Variants in RESF1 observed in about 807,000 individuals in gnomAD.
RESF1 encodes retroelement silencing factor 1.
Under a neutral mutation model 134.7 loss-of-function variants are expected in RESF1, and 65 were observed. The observed-to-expected ratio is 0.48, with a 90% CI of 0.40 to 0.59. RESF1 has a LOEUF of 0.59. Among genes scored for constraint, RESF1 ranks in the 20% least tolerant of loss-of-function variants. The pLI is 0.00. For synonymous variants in RESF1, 762 were observed against 702.2 expected (o/e 1.09, Z -1.35); for missense variants, 2,274 against 2,002.7 (o/e 1.14, Z -2.59).
chr12:31,962,064 A>G (rs1255949536), intron 2 of RESF1, among the ~76,000 whole-genome samples: 2 of 152,098 alleles, frequency 1.3e-5, no homozygotes, highest in East Asian at 3.9e-4. Flanking sequence ...GCAAAACCCC[A>G]TCTTTACTAA....
Position 31,981,289 on chromosome 12 carries a change from T to C in RESF1, c.334T>C (p.Ser112Pro), listed in dbSNP as rs972296046. Residue 112 changes from serine to proline, a missense_variant, in exon 4 of 6, where the codon TCA becomes CCA. Coordinates refer to ENST00000312561, the MANE Select transcript of RESF1 (RefSeq NM_018169.4). Reference protein sequence around the residue: ...KQLTHNLQMSSGVTQNVWLNS... With the variant: ...KQLTHNLQMSPGVTQNVWLNS... ...ACTAACTCACAATTTGCAGATGTCT[T>C]CAGGAGTTACCCAAAACGTATGGTT... 5 of 1,614,138 alleles carry C rather than the reference T, an allele frequency of 3.1e-6. No homozygotes were observed. The highest frequency in any genetic ancestry group is 3.4e-6 in the Non-Finnish European group (4 of 1,180,000).
chr12:31,978,306 A>C (rs1224210908), intron 3 of RESF1, among the ~76,000 whole-genome samples: 3 of 152,108 alleles, frequency 2.0e-5, no homozygotes, highest in Non-Finnish European at 4.4e-5. Context: ...GTAAAACAAA[A>C]AGATCTCTAC....
At chr12:31,965,417 A>C (rs1939377675) in intron 2 of RESF1, among the ~76,000 whole-genome samples, 1 of 152,172 alleles carries the variant, frequency 6.6e-6, no homozygotes, top group East Asian at 1.9e-4. Context: ...ACCTCTAGAG[A>C]GTATTTAAAC....
chr12:31,988,291 G>C (rs1940018412), intron 5 of RESF1, among the ~76,000 whole-genome samples: 1 of 152,116 alleles, frequency 6.6e-6, no homozygotes, highest in Non-Finnish European at 1.5e-5. Flanking sequence ...GTATCTGCGT[G>C]TTCCGTATCT....
intron 3 of RESF1, among the ~76,000 whole-genome samples, chr12:31,977,972 T>G (rs1939676459): frequency 6.6e-6 from 1 of 151,728 alleles, no homozygotes; most frequent in Non-Finnish European, 1.5e-5. Flanking sequence ...GCTAATTTTT[T>G]TTTTGTATTT....
chr12:31,974,812 A>G (rs1015895523), intron 3 of RESF1, among the ~76,000 whole-genome samples: 25 of 152,124 alleles, frequency 1.6e-4, no homozygotes, highest in African/African-American at 5.6e-4. Flanking sequence ...TTCTTCTGTC[A>G]GTGAACACTG....
chr12:31,968,523 A>G (rs1338451991), intron 2 of RESF1, among the ~76,000 whole-genome samples: 1 of 148,610 alleles, frequency 6.7e-6, no homozygotes, highest in African/African-American at 2.5e-5. Flanking sequence ...ATCCCGGCTC[A>G]CTGCAAGCTC....
rs3759296 is a variant in RESF1, at chr12:31,984,967, A to G, written c.4012A>G (p.Thr1338Ala). ...GAACTCACGTCCACTAAAAACAAAA[A>G]CAGCTTTTTTGCCAAATAAAGATGT... ...TQNSRPLKTKTAFLPNKDVYK... is the reference protein window; with the variant it reads ...TQNSRPLKTKAAFLPNKDVYK... The change falls in exon 4 of 6, where the codon ACA becomes GCA. Residue 1338 changes from threonine (T) to alanine (A), a missense_variant. By Grantham distance (58) the Thr-to-Ala change is moderately conservative. Coordinates refer to ENST00000312561, the MANE Select transcript of RESF1 (RefSeq NM_018169.4). The G allele has an allele frequency of 4.6e-3, 7,360 of 1,613,194 alleles. 260 individuals carry two copies. In the East Asian group the frequency reaches 0.091, roughly 20 times the overall value.
chr12:31,963,699 A>G (rs1032502048), intron 2 of RESF1, among the ~76,000 whole-genome samples: 1 of 152,208 alleles, frequency 6.6e-6, no homozygotes, highest in African/African-American at 2.4e-5. Context: ...AAATATCTCC[A>G]TACTCAATAG....
intron 3 of RESF1, among the ~76,000 whole-genome samples, chr12:31,980,631 T>C (rs577412485): frequency 1.3e-5 from 2 of 152,310 alleles, no homozygotes; most frequent in East Asian, 3.9e-4. Flanking sequence ...CAGAAGGTGA[T>C]TGGCATTTAA....
rs1332330973 is a variant in RESF1 at position 31,982,648 on chromosome 12, C to G, written c.1693C>G (p.Pro565Ala). 5.6e-6 allele frequency: 9 copies of G among 1,613,988 alleles called. No individual in the cohort carries two copies. The highest frequency in any genetic ancestry group is 7.6e-6 in the Non-Finnish European group (9 of 1,179,998). The change falls in exon 4 of 6, where the codon CCC becomes GCC. Residue 565 changes from proline (P) to alanine (A), a missense_variant. Physicochemically the swap from Pro to Ala is conservative, Grantham distance 27. Coordinates refer to ENST00000312561, the MANE Select transcript of RESF1 (RefSeq NM_018169.4). ...SPAVCETISV[P>A]KSMSTEEYKS... ...AGCAGTTTGTGAAACAATTTCTGTTCCCAAGTCCATGTCCACTGAGGAATA... is the reference window on the plus strand; with the variant it reads ...AGCAGTTTGTGAAACAATTTCTGTTGCCAAGTCCATGTCCACTGAGGAATA...
At chr12:31,979,856 C>T (rs1475485634) in intron 3 of RESF1, among the ~76,000 whole-genome samples, 2 of 149,952 alleles carry the variant, frequency 1.3e-5, no homozygotes, top group African/African-American at 4.9e-5. Context: ...CACACCCAGC[C>T]AAGACTTTTT....
rs542150440 is a variant in RESF1, at chr12:31,960,150, C to G, written c.-341-627C>G. The stretch of plus-strand genomic sequence containing the variant: ...GCATTTTTAAATGCACAAACGCATA[C>G]CCATCTTAGGTGTTCTCGAGGGACA... On this transcript the variant is annotated intron_variant, in intron 1 of 5. Transcript: ENST00000312561. Among the ~76,000 whole-genome samples, 6 of 152,196 alleles carry G rather than the reference C, an allele frequency of 3.9e-5. No individual in the cohort carries two copies. The South Asian group carries it at 1.2e-3, about 32-fold the overall frequency.
In RESF1 at chr12:31,982,658, T is replaced by C. The variant is rs776661647; in HGVS notation, c.1703T>C (p.Met568Thr). 4.3e-6 allele frequency: 7 copies of C among 1,613,998 alleles called. No individual in the cohort carries two copies. Among genetic ancestry groups the C allele is most frequent in the Admixed American group, 3.3e-5 (2 of 60,012 alleles). ...VCETISVPKSMSTEEYKSKIQ... is the reference protein window; with the variant it reads ...VCETISVPKSTSTEEYKSKIQ... ...GAAACAATTTCTGTTCCCAAGTCCA[T>C]GTCCACTGAGGAATATAAATCAAAA... The change falls in exon 4 of 6, where the codon ATG (methionine) becomes ACG (threonine). Residue 568 changes from methionine to threonine, a missense_variant. Coordinates refer to ENST00000312561, the MANE Select transcript of RESF1 (RefSeq NM_018169.4).
intron 3 of RESF1, among the ~76,000 whole-genome samples, chr12:31,970,881 T>G (rs751507228): frequency 1.3e-5 from 2 of 150,334 alleles, no homozygotes; most frequent in South Asian, 4.2e-4. Flanking sequence ...TCCTATAATT[T>G]CATATAAAAG....
At position 31,992,659 on chromosome 12, in the gene RESF1, T is replaced by A; in HGVS notation, c.*124T>A. 1 of 990,092 alleles carries A rather than the reference T, an allele frequency of 1.0e-6. No individual in the cohort carries two copies. Among genetic ancestry groups the A allele is most frequent in the Non-Finnish European group, 1.6e-6 (1 of 644,454 alleles). The allele number at this position is 990,092 out of a possible 1,614,324, so 61.3% of individuals were successfully genotyped here. ...TCTCAGAGTTTGGTTCCCACTTTCA[T>A]TGTATTTCATTGAAAGTGCTTAATT... On this transcript the variant is annotated 3_prime_UTR_variant, in exon 6 of 6. Coordinates refer to ENST00000312561, the MANE Select transcript of RESF1 (RefSeq NM_018169.4).
At chr12:31,988,470 G>A (rs1302537826) in intron 5 of RESF1, among the ~76,000 whole-genome samples, 14 of 152,258 alleles carry the variant, frequency 9.2e-5, no homozygotes, top group African/African-American at 3.1e-4. Flanking sequence ...TGGGGGGTAT[G>A]CTTTAGGTTA....
chr12:31,985,912 A>C lies in RESF1; in HGVS notation c.4957A>C (p.Lys1653Gln). Residue 1653 changes from lysine to glutamine, a missense_variant, in exon 4 of 6, where the codon AAG becomes CAG. Transcript: ENST00000312561. ...GAATACAAACTCTGTGGAAGAACGG[A>C]AGGATGTAAAGCCTCATCCTAGGAA... ...LKNTNSVEER[K>Q]DVKPHPRKEQ... 6.6e-7 allele frequency: 1 copy of C among 1,514,876 alleles called. No individual in the cohort carries two copies. Among genetic ancestry groups the C allele is most frequent in the Non-Finnish European group, 8.8e-7 (1 of 1,139,610 alleles). The allele number at this position is 1,514,876 out of a possible 1,614,324, so 93.8% of individuals were successfully genotyped here. A position where few individuals can be genotyped will look rare whatever the true frequency, so the allele number is the denominator to read the frequency against.
chr12:31,974,544 G>A (rs574974006), intron 3 of RESF1, among the ~76,000 whole-genome samples: 10 of 152,106 alleles, frequency 6.6e-5, no homozygotes, highest in South Asian at 4.2e-4. Flanking sequence ...TCTGTGGGCC[G>A]ACATCGCTGG....
Sources: allele counts gnomAD v4.1 joint callset (sites outside exome capture counted in the v4.1 genomes callset), GRCh38; gene constraint gnomAD v4.1.1; transcripts MANE v1.5; gene names NCBI Gene and HGNC (gene_info 2026-07-23, HGNC 2026-07-21).